PFKFB1: variants seen among roughly 807,000 people sequenced by gnomAD.
The protein encoded by PFKFB1 is 6-phosphofructo-2-kinase/fructose-2,6-bisphosphatase 1.
In PFKFB1, 34 loss-of-function variants were observed where a neutral mutation model predicts 46.4. The ratio of observed to expected loss-of-function variants is 0.73; its 90% CI spans 0.56 to 0.98. The LOEUF is 0.98. Ranked by LOEUF, PFKFB1 falls within the 50% of genes least tolerant of loss-of-function variation. The probability of loss-of-function intolerance (pLI) is 0.00; values close to 1 mark genes in which losing one functional copy is unlikely to be tolerated. For synonymous variants in PFKFB1, 119 were observed against 133.8 expected, an observed-to-expected ratio of 0.89 and a Z score of 0.76; for missense variants, 393 against 376.3, an observed-to-expected ratio of 1.04 and a Z score of -0.37.
At chrX:54,952,727 C>T (rs1934024874) in intron 7 of PFKFB1, among the ~76,000 whole-genome samples, 1 of 110,883 alleles carries the variant, frequency 9.0e-6, no homozygotes, top group Admixed American at 9.6e-5. Context: ...ATACTCCAAA[C>T]ATACTCCTCT....
Position 54,972,679 on chromosome X carries a change from G to T in PFKFB1, c.98-9297C>A, listed in dbSNP as rs750736405. Among the ~76,000 whole-genome samples, 311 of 111,705 alleles carry T rather than the reference G, an allele frequency of 2.8e-3. 3 individuals are homozygous for T. Among genetic ancestry groups the T allele is most frequent in the African/African-American group, 9.7e-3 (298 of 30,761 alleles). The stretch of plus-strand genomic sequence containing the variant: ...ATATTGAACTGGCCTTGCATCCCAG[G>T]GATGAAGCCCACTTGAGCATGGTGG... On this transcript the variant is annotated intron_variant, in intron 1 of 13. Transcript: ENST00000375006.
intron 11 of PFKFB1, among the ~76,000 whole-genome samples, chrX:54,936,821 C>T (rs966924316): frequency 9.0e-6 from 1 of 111,560 alleles, no homozygotes; most frequent in Middle Eastern, 4.6e-3. Flanking sequence ...AAACTAGCAT[C>T]GTAGAAAAGA....
At chrX:54,940,914 A>C (rs1257218296) in intron 10 of PFKFB1, among the ~76,000 whole-genome samples, 1 of 111,739 alleles carries the variant, frequency 8.9e-6, no homozygotes, top group Non-Finnish European at 1.9e-5. Context: ...ATGGAACCAA[A>C]AAAGGGCCCG....
At chrX:54,941,961 C>T (rs923332524) in intron 10 of PFKFB1, among the ~76,000 whole-genome samples, 1 of 111,993 alleles carries the variant, frequency 8.9e-6, no homozygotes, top group African/African-American at 3.3e-5. Context: ...TACTGTGGCA[C>T]TATTCACAAT....
chrX:54,962,209 C>G (rs1213285182), intron 2 of PFKFB1, among the ~76,000 whole-genome samples: 1 of 111,755 alleles, frequency 8.9e-6, no homozygotes, highest in Non-Finnish European at 1.9e-5. Context: ...TGCCTCTACA[C>G]TCAGCAGATT....
chrX:54,974,986 C>T (rs950114772), intron 1 of PFKFB1, among the ~76,000 whole-genome samples: 1 of 110,792 alleles, frequency 9.0e-6, no homozygotes, highest in Non-Finnish European at 1.9e-5. Context: ...GAAAAGGAAA[C>T]ACTTTTATAG....
At position 54,962,320 on chromosome X, in the gene PFKFB1, T is replaced by C. The variant is rs764804095; in HGVS notation, c.223+937A>G. Reference sequence around the variant, plus strand: ...CAAGACTCAGCTCAAACATATCCTATGTAGGAAGCTTTCCTTGCCTTCCAG... The same window carrying C: ...CAAGACTCAGCTCAAACATATCCTACGTAGGAAGCTTTCCTTGCCTTCCAG... On this transcript the variant is annotated intron_variant, in intron 2 of 13. Transcript: ENST00000375006. Among the ~76,000 whole-genome samples the C allele has an allele frequency of 2.7e-5, 3 of 112,083 alleles. No individual in the cohort carries two copies. In the South Asian group the frequency reaches 1.1e-3, roughly 42 times the overall value.
chrX:54,986,080 CA>C (rs1175386923), intron 1 of PFKFB1, among the ~76,000 whole-genome samples: 1 of 111,774 alleles, frequency 8.9e-6, no homozygotes, highest in Non-Finnish European at 1.9e-5. Context: ...TCAACCCAAT[CA>C]AAAGGTAGAG....
chrX:54,933,720 C>T, intron 13 of PFKFB1, 101 bp downstream of exon 13: 1 of 722,087 alleles, frequency 1.4e-6, no homozygotes, highest in Non-Finnish European at 2.1e-6. Flanking sequence ...TGGTGCAAAA[C>T]ACCCAGGCTT....
intron 5 of PFKFB1, 82 bp from the exon 6 acceptor site, chrX:54,958,444 G>T: frequency 3.4e-6 from 2 of 579,958 alleles, no homozygotes; most frequent in Non-Finnish European, 5.9e-6. Flanking sequence ...CTTTTCAATG[G>T]CTCTAAGTCA....
At chrX:54,964,652 T>C (rs1294775752) in intron 1 of PFKFB1, among the ~76,000 whole-genome samples, 2 of 111,484 alleles carry the variant, frequency 1.8e-5, no homozygotes, top group Non-Finnish European at 3.8e-5. Flanking sequence ...ATAGCGAACA[T>C]AGTACTCACT....
intron 1 of PFKFB1, among the ~76,000 whole-genome samples, chrX:54,990,245 TAA>T (rs751329956): frequency 3.6e-5 from 4 of 110,790 alleles, no homozygotes; most frequent in Non-Finnish European, 7.6e-5. Context: ...TTTAGAATTA[TAA>T]AAGTGTCAAA....
chrX:54,979,224 G>A (rs1422611634), intron 1 of PFKFB1, among the ~76,000 whole-genome samples: 1 of 111,422 alleles, frequency 9.0e-6, no homozygotes, highest in East Asian at 2.8e-4. Flanking sequence ...ACAGACTTAG[G>A]TAGTAGCCAT....
intron 1 of PFKFB1, among the ~76,000 whole-genome samples, chrX:54,987,219 G>A (rs1231918029): frequency 9.0e-6 from 1 of 111,096 alleles, no homozygotes; most frequent in African/African-American, 3.3e-5. Flanking sequence ...TAAATTATTA[G>A]AATGATACAA....
At chrX:54,943,840 T>G (rs771587664) in intron 10 of PFKFB1, among the ~76,000 whole-genome samples, 1 of 109,848 alleles carries the variant, frequency 9.1e-6, no homozygotes, top group African/African-American at 3.3e-5. Flanking sequence ...AGAGGGAAGA[T>G]TTGAGGTGCA....
At chrX:54,939,429 C>T (rs1335893800) in intron 10 of PFKFB1, among the ~76,000 whole-genome samples, 1 of 111,621 alleles carries the variant, frequency 9.0e-6, no homozygotes, top group East Asian at 2.8e-4. Flanking sequence ...ACAAAAAACC[C>T]TTCAAAAAAT....
chrX:54,960,818 A>C lies in PFKFB1; in HGVS notation c.317+6T>G. The stretch of plus-strand genomic sequence containing the variant: ...AGCACAGGTTCCTAAAATATTGGGT[A>C]CTTACTTCCTGATTTGCAGGGCTTC... On this transcript the variant is annotated splice_donor_region_variant and intron_variant, in intron 3 of 13. Transcript: ENST00000375006. 2 of 1,132,211 alleles carry C rather than the reference A, an allele frequency of 1.8e-6. No individual in the cohort carries two copies. The highest frequency in any genetic ancestry group is 2.4e-6 in the Non-Finnish European group (2 of 828,294). The allele number at this position is 1,132,211 out of a possible 1,213,427, so 93.3% of individuals were successfully genotyped here.
intron 8 of PFKFB1, among the ~76,000 whole-genome samples, chrX:54,949,504 C>A (rs753929906): frequency 9.0e-6 from 1 of 110,944 alleles, no homozygotes; most frequent in Non-Finnish European, 1.9e-5. Context: ...GTTATTCATT[C>A]ATTCAAACAG....
intron 1 of PFKFB1, among the ~76,000 whole-genome samples, chrX:54,989,398 A>G (rs1167359645): frequency 8.9e-6 from 1 of 111,837 alleles, no homozygotes; most frequent in Non-Finnish European, 1.9e-5. Flanking sequence ...TAATTTCCTT[A>G]CATGGTGATA....
Sources: gnomAD v4.1 joint callset for allele counts (sites outside exome capture counted in the v4.1 genomes callset) on GRCh38, gnomAD v4.1.1 for gene constraint, MANE v1.5 for transcripts, NCBI Gene and HGNC (gene_info 2026-07-23, HGNC 2026-07-21) for gene names.